Variants in PPARGC1A observed in about 807,000 individuals in gnomAD.
PPARGC1A encodes PPARG coactivator 1 alpha.
PPARGC1A carries 25 observed loss-of-function variants against 88.7 expected under a neutral mutation model. The observed-to-expected ratio is 0.28, with a 90% CI of 0.21 to 0.39. The LOEUF (loss-of-function observed/expected upper bound fraction) is 0.39. PPARGC1A is among the 10% of genes least tolerant of loss of function. The pLI, the probability that PPARGC1A is intolerant of heterozygous loss-of-function variation, is 1.00. For missense variants in PPARGC1A, 880 were observed against 968.7 expected (o/e 0.91, Z 1.22); for synonymous variants, 363 against 355.6 (o/e 1.02, Z -0.24).
At chr4:23,931,879 C>A in the PPARGC1A span, among the ~76,000 whole-genome samples, 6 of 152,170 alleles carry the variant, frequency 3.9e-5, no homozygotes, top group Admixed American at 1.3e-4. Flanking sequence ...CCAGCACTTA[C>A]CATGGTGTGA....
chr4:24,338,351 TG>T, the PPARGC1A span, among the ~76,000 whole-genome samples: 2 of 152,206 alleles, frequency 1.3e-5, no homozygotes, highest in Admixed American at 1.3e-4. Context: ...ATTTTAATGA[TG>T]TTTTTTAATC....
the PPARGC1A span, among the ~76,000 whole-genome samples, chr4:24,214,550 G>C: frequency 6.6e-6 from 1 of 152,150 alleles, no homozygotes; most frequent in African/African-American, 2.4e-5. Flanking sequence ...AGAGACAAGA[G>C]GCAGACAGTG....
At chr4:24,143,836 C>T in the PPARGC1A span, among the ~76,000 whole-genome samples, 15 of 152,218 alleles carry the variant, frequency 9.9e-5, no homozygotes, top group Non-Finnish European at 1.5e-4. Context: ...ATCTCAGAAC[C>T]GCCACTTGGC....
chr4:24,381,286 G>T, the PPARGC1A span, among the ~76,000 whole-genome samples: 1 of 152,222 alleles, frequency 6.6e-6, no homozygotes, highest in East Asian at 1.9e-4. Context: ...TGGGTAGCAT[G>T]AACAGGAGCT....
chr4:23,940,655 A>T, the PPARGC1A span, among the ~76,000 whole-genome samples: 1 of 152,354 alleles, frequency 6.6e-6, no homozygotes, highest in South Asian at 2.1e-4. Flanking sequence ...AAACCAAATG[A>T]CATCAACAAA....
chr4:23,807,166 G>A (rs1719956811), intron 10 of PPARGC1A, among the ~76,000 whole-genome samples: 2 of 152,108 alleles, frequency 1.3e-5, no homozygotes, highest in African/African-American at 4.8e-5. Context: ...AGTGTATGGT[G>A]TATTCCAACT....
chr4:24,073,564 A>G, the PPARGC1A span, among the ~76,000 whole-genome samples: 1 of 152,132 alleles, frequency 6.6e-6, no homozygotes, highest in African/African-American at 2.4e-5. Flanking sequence ...ATGAGAAATG[A>G]CTGTATGCAA....
At chr4:24,394,195 G>A in the PPARGC1A span, among the ~76,000 whole-genome samples, 1 of 152,172 alleles carries the variant, frequency 6.6e-6, no homozygotes, top group Non-Finnish European at 1.5e-5. Context: ...TTCCAAAGGG[G>A]TGAGAGAGAA....
At chr4:24,165,210 T>A in the PPARGC1A span, among the ~76,000 whole-genome samples, 2 of 152,100 alleles carry the variant, frequency 1.3e-5, no homozygotes, top group African/African-American at 4.8e-5. Flanking sequence ...TTTTTTTATT[T>A]AAAAAAATAA....
At chr4:24,270,325 C>G in the PPARGC1A span, among the ~76,000 whole-genome samples, 1,050 of 67,338 alleles carry the variant, frequency 0.016, 19 homozygotes, top group African/African-American at 0.05. Context: ...CTCTCTCTCT[C>G]TCTCTCTCTG....
the PPARGC1A span, among the ~76,000 whole-genome samples, chr4:24,117,794 A>G: frequency 1.3e-5 from 2 of 152,206 alleles, no homozygotes; most frequent in Admixed American, 6.6e-5. Context: ...AGGAAGATCA[A>G]TATGCGTTGG....
the PPARGC1A span, among the ~76,000 whole-genome samples, chr4:24,097,959 T>A: frequency 6.6e-6 from 1 of 152,216 alleles, no homozygotes; most frequent in African/African-American, 2.4e-5. Context: ...TCATTTGCAT[T>A]TGTCCCGGTC....
the PPARGC1A span, among the ~76,000 whole-genome samples, chr4:23,948,701 GTAAT>G: frequency 6.6e-6 from 1 of 152,112 alleles, no homozygotes; most frequent in East Asian, 1.9e-4. Flanking sequence ...TGGACCCTAA[GTAAT>G]TATTACAAAC....
the PPARGC1A span, among the ~76,000 whole-genome samples, chr4:24,349,008 C>T: frequency 6.6e-6 from 1 of 152,276 alleles, no homozygotes; most frequent in Admixed American, 6.5e-5. Context: ...TGATGTAGTA[C>T]TCTCCCCCTT....
chr4:24,279,847 G>C, the PPARGC1A span, among the ~76,000 whole-genome samples: 1 of 152,194 alleles, frequency 6.6e-6, no homozygotes, highest in Non-Finnish European at 1.5e-5. Context: ...ATTTGGGGCA[G>C]ATAGTTGCTG....
At chr4:24,410,820 G>C in the PPARGC1A span, among the ~76,000 whole-genome samples, 404 of 152,276 alleles carry the variant, frequency 2.7e-3, no homozygotes, top group African/African-American at 9.4e-3. Context: ...ACTTACACCA[G>C]TGGTTCGCCA....
chr4:24,375,451 C>A, the PPARGC1A span, among the ~76,000 whole-genome samples: 1 of 152,152 alleles, frequency 6.6e-6, no homozygotes, highest in Non-Finnish European at 1.5e-5. Context: ...AAGAGTCGAA[C>A]AGGGCATAGA....
At chr4:23,950,984 G>A in the PPARGC1A span, among the ~76,000 whole-genome samples, 4 of 152,072 alleles carry the variant, frequency 2.6e-5, no homozygotes, top group African/African-American at 4.8e-5. Flanking sequence ...TGAGGATTAC[G>A]TAGTCCTCTC....
At chr4:24,021,901 G>A in the PPARGC1A span, among the ~76,000 whole-genome samples, 3 of 152,226 alleles carry the variant, frequency 2.0e-5, no homozygotes, top group Admixed American at 2.0e-4. Context: ...AATGCAGAAT[G>A]GAGCAGAGAG....
Sources: allele counts gnomAD v4.1 joint callset (sites outside exome capture counted in the v4.1 genomes callset), GRCh38; gene constraint gnomAD v4.1.1; transcripts MANE v1.5; gene names NCBI Gene and HGNC (gene_info 2026-07-23, HGNC 2026-07-21).